Variants in KCNQ5 observed in about 807,000 individuals in gnomAD.
KCNQ5 encodes potassium voltage-gated channel subfamily Q member 5.
In KCNQ5, 30 loss-of-function variants were observed where a neutral mutation model predicts 98.2. The observed-to-expected ratio is 0.31, with a 90% CI of 0.23 to 0.41. KCNQ5 has a LOEUF of 0.41. KCNQ5 is among the 10% of genes least tolerant of loss of function. KCNQ5 has a pLI of 1.00. For missense variants in KCNQ5, 835 were observed against 1,182.5 expected, an observed-to-expected ratio of 0.71 and a Z score of 4.31; for synonymous variants, 458 against 449.4, an observed-to-expected ratio of 1.02 and a Z score of -0.24.
chr6:72,912,253 A>G (rs1038810331), intron 1 of KCNQ5, among the ~76,000 whole-genome samples: 3 of 152,180 alleles, frequency 2.0e-5, no homozygotes, highest in Non-Finnish European at 4.4e-5. Flanking sequence ...GGCTATGTAC[A>G]TATAGGTAAA....
intron 1 of KCNQ5, among the ~76,000 whole-genome samples, chr6:72,873,125 A>G (rs1403540036): frequency 6.6e-6 from 1 of 152,044 alleles, no homozygotes; most frequent in Non-Finnish European, 1.5e-5. Flanking sequence ...CTTTTCAATC[A>G]ATGAGATTTT....
chr6:73,026,588 A>G lies in KCNQ5; in HGVS notation c.490-15348A>G, dbSNP rs1263996356. 2.6e-5 allele frequency among the ~76,000 whole-genome samples: 4 copies of G among 151,948 alleles called. 1 individual carries two copies. The East Asian group carries it at 5.8e-4, about 22-fold the overall frequency. ...CAATGCTCTATCTTTCTGTATCCCA[A>G]TGTACTTGTTCATTATATTATCTGC... On this transcript the variant is annotated intron_variant, in intron 2 of 13. Coordinates refer to ENST00000370398, the MANE Select transcript of KCNQ5 (RefSeq NM_019842.4).
At chr6:73,015,907 T>G (rs1334882185) in intron 2 of KCNQ5, among the ~76,000 whole-genome samples, 1 of 152,134 alleles carries the variant, frequency 6.6e-6, no homozygotes, top group African/African-American at 2.4e-5. Context: ...CCTCTAACTT[T>G]CCTCAGTCCT....
intron 3 of KCNQ5, among the ~76,000 whole-genome samples, chr6:73,066,195 A>G (rs1230228483): frequency 6.6e-5 from 10 of 152,172 alleles, no homozygotes; most frequent in Admixed American, 6.5e-4. Flanking sequence ...GATGTTTGCT[A>G]AATTTTACCT....
intron 12 of KCNQ5, among the ~76,000 whole-genome samples, chr6:73,191,450 G>A (rs1408439532): frequency 3.3e-5 from 5 of 152,126 alleles, no homozygotes; most frequent in Non-Finnish European, 7.3e-5. Flanking sequence ...GGTTGATTGT[G>A]ATTATCTCAA....
intron 5 of KCNQ5, 152 bp from the exon 6 acceptor site, chr6:73,105,105 A>T: frequency 2.1e-6 from 1 of 485,628 alleles, no homozygotes; most frequent in Non-Finnish European, 3.7e-6. Context: ...AAGTTCTGTC[A>T]TGCGTCATGG....
intron 2 of KCNQ5, among the ~76,000 whole-genome samples, chr6:73,013,525 AT>A (rs1770178209): frequency 6.6e-6 from 1 of 152,168 alleles, no homozygotes; most frequent in African/African-American, 2.4e-5. Context: ...GGGAGCCAGC[AT>A]TTTTTAAGTA....
Position 72,818,939 on chromosome 6 carries a change from C to T in KCNQ5, c.399-184969C>T, listed in dbSNP as rs1410386994. 2.0e-5 allele frequency among the ~76,000 whole-genome samples: 3 copies of T among 151,640 alleles called. No individual in the cohort carries two copies. The East Asian group carries it at 5.8e-4, about 29-fold the overall frequency. On this transcript the variant is annotated intron_variant, in intron 1 of 13. Transcript: ENST00000370398. ...TGCTTCAGTCAGATACATACATATG[C>T]TTTGTTAGACATGTTACATGCTCTG...
intron 9 of KCNQ5, among the ~76,000 whole-genome samples, chr6:73,132,512 C>T (rs1199991668): frequency 6.6e-6 from 1 of 152,290 alleles, no homozygotes. Flanking sequence ...AACCCTAGCC[C>T]CCGTGTGTCT....
chr6:73,038,992 A>T lies in KCNQ5; in HGVS notation c.490-2944A>T, dbSNP rs539011422. Among the ~76,000 whole-genome samples the T allele has an allele frequency of 2.0e-5, 3 of 152,174 alleles. No homozygotes were observed. In the East Asian group the frequency reaches 5.8e-4, roughly 29 times the overall value. Reference sequence around the variant, plus strand: ...GACCTGGACATTTCTGTTTGGGGAGATTTTAAACTATGAGTTCAATTGCTT... The same window carrying T: ...GACCTGGACATTTCTGTTTGGGGAGTTTTTAAACTATGAGTTCAATTGCTT... On this transcript the variant is annotated intron_variant, in intron 2 of 13. Coordinates refer to ENST00000370398, the MANE Select transcript of KCNQ5 (RefSeq NM_019842.4).
intron 9 of KCNQ5, among the ~76,000 whole-genome samples, chr6:73,130,191 T>C (rs1026376620): frequency 6.6e-6 from 1 of 152,220 alleles, no homozygotes; most frequent in Admixed American, 6.5e-5. Flanking sequence ...GTAGAATGCT[T>C]ATCCCATGAA....
intron 2 of KCNQ5, among the ~76,000 whole-genome samples, chr6:73,006,604 G>T (rs886234601): frequency 2.0e-5 from 3 of 152,082 alleles, no homozygotes; most frequent in Non-Finnish European, 4.4e-5. Flanking sequence ...AGTGAACCGG[G>T]ATCGCACCAC....
chr6:72,925,512 T>C (rs1765373624), intron 1 of KCNQ5, among the ~76,000 whole-genome samples: 1 of 152,240 alleles, frequency 6.6e-6, no homozygotes, highest in African/African-American at 2.4e-5. Flanking sequence ...TATGTGCCAC[T>C]TGCTCTTCTA....
At chr6:72,733,187 G>A (rs1360193643) in intron 1 of KCNQ5, among the ~76,000 whole-genome samples, 1 of 152,126 alleles carries the variant, frequency 6.6e-6, no homozygotes, top group Non-Finnish European at 1.5e-5. Context: ...AGGGTAGGGT[G>A]AAAGGAGGAC....
chr6:72,632,524 A>G (rs914208924), intron 1 of KCNQ5, among the ~76,000 whole-genome samples: 1 of 152,014 alleles, frequency 6.6e-6, no homozygotes, highest in African/African-American at 2.4e-5. Context: ...GGTATATTGC[A>G]TCCAGGTAGT....
intron 11 of KCNQ5, among the ~76,000 whole-genome samples, chr6:73,172,325 T>C (rs1778043946): frequency 6.6e-6 from 1 of 152,112 alleles, no homozygotes; most frequent in Non-Finnish European, 1.5e-5. Flanking sequence ...ATTGTGCCAC[T>C]GCACTTCACC....
At chr6:72,784,178 T>C (rs901968918) in intron 1 of KCNQ5, among the ~76,000 whole-genome samples, 7 of 152,100 alleles carry the variant, frequency 4.6e-5, no homozygotes, top group Admixed American at 2.0e-4. Context: ...ACTCTTTCCT[T>C]TGGAGAGAGC....
chr6:72,704,637 TAAAA>T (rs75954842), intron 1 of KCNQ5, among the ~76,000 whole-genome samples: 1 of 150,164 alleles, frequency 6.7e-6, no homozygotes, highest in Non-Finnish European at 1.5e-5. Flanking sequence ...TTATAAATGA[TAAAA>T]AAAAAAGTTA....
chr6:72,893,595 C>T (rs1252703888), intron 1 of KCNQ5, among the ~76,000 whole-genome samples: 1 of 152,140 alleles, frequency 6.6e-6, no homozygotes, highest in Non-Finnish European at 1.5e-5. Context: ...TTGGTAAACA[C>T]TGACTTGGTA....
Sources: allele counts gnomAD v4.1 joint callset (sites outside exome capture counted in the v4.1 genomes callset), GRCh38; gene constraint gnomAD v4.1.1; transcripts MANE v1.5; gene names NCBI Gene and HGNC (gene_info 2026-07-23, HGNC 2026-07-21).